The following ABTB2 variants were observed in gnomAD, a reference collection of about 807,000 sequenced individuals.
The protein encoded by ABTB2 is ankyrin repeat and BTB/POZ domain-containing protein 2.
A neutral mutation model predicts 104.1 loss-of-function variants in ABTB2; 56 were observed. The observed-to-expected ratio is 0.54, with a 90% CI of 0.43 to 0.67. ABTB2 has a LOEUF of 0.67. ABTB2 is among the 30% of genes least tolerant of loss of function. The probability of loss-of-function intolerance (pLI) is 0.00; values close to 1 mark genes in which losing one functional copy is unlikely to be tolerated. For missense variants in ABTB2, 1,279 were observed against 1,407.7 expected (o/e 0.91, Z 1.46); for synonymous variants, 606 against 608.2 (o/e 1.00, Z 0.05).
At chr11:34,314,925 G>T (rs1398642667) in intron 1 of ABTB2, among the ~76,000 whole-genome samples, 1 of 152,130 alleles carries the variant, frequency 6.6e-6, no homozygotes, top group Non-Finnish European at 1.5e-5. Flanking sequence ...CACTTACAAG[G>T]TACAGTCAGC....
chr11:34,257,372 C>G, intron 1 of ABTB2, among the ~76,000 whole-genome samples: 1 of 152,152 alleles, frequency 6.6e-6, no homozygotes, highest in Admixed American at 6.5e-5. Context: ...TCCAGGAGGC[C>G]TCTAAGAGGT....
intron 1 of ABTB2, among the ~76,000 whole-genome samples, chr11:34,276,406 T>C (rs920532846): frequency 2.0e-5 from 3 of 152,178 alleles, no homozygotes; most frequent in African/African-American, 7.2e-5. Flanking sequence ...GAAGCTATAC[T>C]TCATAATCCA....
chr11:34,332,304 T>TG lies in ABTB2; in HGVS notation c.883+24396dup, dbSNP rs1280401448. On this transcript the variant is annotated intron_variant, in intron 1 of 16. Transcript: ENST00000435224. ...CTGTCCCAGCCTCCTGCATCTTCAC[T>TG]GCCACCTACCCACTGCACAGTTCTC... Among the ~76,000 whole-genome samples the TG allele has an allele frequency of 2.0e-5, 3 of 152,160 alleles. No individual in the cohort carries two copies. The East Asian group carries it at 5.8e-4, about 29-fold the overall frequency.
intron 1 of ABTB2, among the ~76,000 whole-genome samples, chr11:34,293,212 T>C (rs920483313): frequency 6.6e-6 from 1 of 152,182 alleles, no homozygotes; most frequent in Non-Finnish European, 1.5e-5. Flanking sequence ...TCATGCCATT[T>C]ACTGATGTCG....
At chr11:34,287,185 GAA>G (rs34599793) in intron 1 of ABTB2, among the ~76,000 whole-genome samples, 17 of 105,894 alleles carry the variant, frequency 1.6e-4, no homozygotes, top group Non-Finnish European at 1.6e-4. Context: ...TGTCTTTATT[GAA>G]AAAAAAAAAA....
intron 1 of ABTB2, among the ~76,000 whole-genome samples, chr11:34,307,608 A>C (rs565432477): frequency 6.6e-6 from 1 of 152,274 alleles, no homozygotes; most frequent in Admixed American, 6.5e-5. Context: ...ACATTTTCCA[A>C]AGTGTAATTT....
chr11:34,351,116 G>C (rs1182576818), intron 1 of ABTB2, among the ~76,000 whole-genome samples: 1 of 152,188 alleles, frequency 6.6e-6, no homozygotes, highest in African/African-American at 2.4e-5. Context: ...GGACAAAGCT[G>C]AGGATGTGCA....
intron 1 of ABTB2, among the ~76,000 whole-genome samples, chr11:34,336,356 T>C (rs188490224): frequency 1.1e-4 from 16 of 152,262 alleles, no homozygotes; most frequent in African/African-American, 3.9e-4. Context: ...GGTACTTGCC[T>C]AGCACCACAT....
chr11:34,236,680 G>T (rs186669265), intron 1 of ABTB2, among the ~76,000 whole-genome samples: 1 of 152,206 alleles, frequency 6.6e-6, no homozygotes, highest in East Asian at 1.9e-4. Context: ...TTGAGATGCC[G>T]ATACATCAGG....
chr11:34,282,534 CT>C (rs369421155), intron 1 of ABTB2, among the ~76,000 whole-genome samples: 3 of 150,708 alleles, frequency 2.0e-5, no homozygotes, highest in Admixed American at 6.6e-5. Context: ...CTTTTCTTTT[CT>C]TTTTTTTTGG....
intron 3 of ABTB2, among the ~76,000 whole-genome samples, chr11:34,189,468 G>A (rs1853144768): frequency 6.6e-6 from 1 of 152,090 alleles, no homozygotes; most frequent in African/African-American, 2.4e-5. Context: ...AGGCATGGCA[G>A]AGTGGGCCAA....
intron 3 of ABTB2, among the ~76,000 whole-genome samples, chr11:34,176,633 C>T (rs971013322): frequency 6.6e-6 from 1 of 152,170 alleles, no homozygotes; most frequent in Non-Finnish European, 1.5e-5. Context: ...CAAAGAGAGA[C>T]CGTGTCTCAA....
At chr11:34,187,332 T>G (rs1042178253) in intron 3 of ABTB2, among the ~76,000 whole-genome samples, 1 of 152,156 alleles carries the variant, frequency 6.6e-6, no homozygotes, top group Non-Finnish European at 1.5e-5. Context: ...GAGTGACTGA[T>G]AGTTGGCTTC....
chr11:34,173,434 C>T (rs1037327455), intron 3 of ABTB2, 127 bp from the exon 4 acceptor site: 1 of 1,206,372 alleles, frequency 8.3e-7, no homozygotes. Context: ...GGGTGGGGGG[C>T]TCCCTGCTGG....
chr11:34,213,455 T>C (rs1447615023), intron 1 of ABTB2, among the ~76,000 whole-genome samples: 1 of 152,174 alleles, frequency 6.6e-6, no homozygotes, highest in African/African-American at 2.4e-5. Flanking sequence ...CACTCCAGCC[T>C]GGGCAAGAGA....
At chr11:34,354,357 C>CT (rs1208831599) in intron 1 of ABTB2, among the ~76,000 whole-genome samples, 3 of 152,096 alleles carry the variant, frequency 2.0e-5, no homozygotes, top group Admixed American at 6.5e-5. Context: ...TGGCTCACGC[C>CT]TGTCGCCTGT....
rs377163450 is a variant in ABTB2, at chr11:34,302,753, G to A, written c.883+53948C>T. On this transcript the variant is annotated intron_variant, in intron 1 of 16. Coordinates refer to ENST00000435224, the MANE Select transcript of ABTB2 (RefSeq NM_145804.3). ...ACCACAACCTCTTTAGCGCTTGCGAGGGGTAGTAGGCTTAGGTGACATAAT... is the reference window on the plus strand; with the variant it reads ...ACCACAACCTCTTTAGCGCTTGCGAAGGGTAGTAGGCTTAGGTGACATAAT... 7.9e-5 allele frequency among the ~76,000 whole-genome samples: 12 copies of A among 152,312 alleles called. No homozygotes were observed. In the East Asian group the frequency reaches 1.7e-3, roughly 22 times the overall value.
chr11:34,346,839 T>C (rs1050707513), intron 1 of ABTB2, among the ~76,000 whole-genome samples: 4 of 152,214 alleles, frequency 2.6e-5, no homozygotes, highest in Non-Finnish European at 4.4e-5. Context: ...TTCCGGATGC[T>C]TGTGCACGTA....
chr11:34,246,840 C>CT (rs1590228950), intron 1 of ABTB2, among the ~76,000 whole-genome samples: 1 of 127,394 alleles, frequency 7.8e-6, no homozygotes, highest in Non-Finnish European at 1.6e-5. Flanking sequence ...TTCTTTTTTT[C>CT]TTTTTTCTTT....
Sources: allele counts gnomAD v4.1 joint callset (sites outside exome capture counted in the v4.1 genomes callset), GRCh38; gene constraint gnomAD v4.1.1; transcripts MANE v1.5; gene names NCBI Gene and HGNC (gene_info 2026-07-23, HGNC 2026-07-21).